LMNTD1: variants seen among roughly 807,000 people sequenced by gnomAD.
The protein encoded by LMNTD1 is lamin tail domain-containing protein 1.
Under a neutral mutation model 50.9 loss-of-function variants are expected in LMNTD1, and 35 were observed. That is an observed-to-expected ratio of 0.69 (90% confidence interval 0.53 to 0.91). The LOEUF is 0.91. Among genes scored for constraint, LMNTD1 ranks in the 40% least tolerant of loss-of-function variants. LMNTD1 has a pLI of 0.00. For missense variants in LMNTD1, 470 were observed against 475.5 expected (o/e 0.99, Z 0.11); for synonymous variants, 153 against 161.9 (o/e 0.94, Z 0.42).
intron 9 of LMNTD1, among the ~76,000 whole-genome samples, chr12:25,477,858 G>A (rs959282826): frequency 6.6e-6 from 1 of 151,994 alleles, no homozygotes; most frequent in African/African-American, 2.4e-5. Context: ...TAAGTCACAC[G>A]ATCACAAGGT....
intron 1 of LMNTD1, among the ~76,000 whole-genome samples, chr12:25,631,764 A>C (rs2136598040): frequency 6.6e-6 from 1 of 152,202 alleles, no homozygotes; most frequent in South Asian, 2.1e-4. Flanking sequence ...CAAAAATCAC[A>C]CTAGTTCATC....
chr12:25,601,001 A>G (rs1014076743), intron 1 of LMNTD1, among the ~76,000 whole-genome samples: 1 of 152,032 alleles, frequency 6.6e-6, no homozygotes, highest in Non-Finnish European at 1.5e-5. Context: ...CTGCACCCCC[A>G]TGTATGTTGG....
intron 9 of LMNTD1, chr12:25,502,851 A>AGCTG (rs1266811797): frequency 6.6e-6 from 1 of 152,276 alleles, no homozygotes; most frequent in Non-Finnish European, 1.5e-5. Context: ...GAAACTGGAC[A>AGCTG]GCTGAGCAAT....
chr12:25,599,177 G>A (rs938724373), intron 1 of LMNTD1, among the ~76,000 whole-genome samples: 1 of 151,876 alleles, frequency 6.6e-6, no homozygotes, highest in Non-Finnish European at 1.5e-5. Flanking sequence ...ATCAATCAAT[G>A]TGATACATCA....
intron 4 of LMNTD1, among the ~76,000 whole-genome samples, chr12:25,536,458 A>G (rs1942583168): frequency 6.6e-6 from 1 of 152,234 alleles, no homozygotes; most frequent in African/African-American, 2.4e-5. Flanking sequence ...TCTGTAAAAC[A>G]CTTTGAAACT....
At chr12:25,545,073 C>T (rs1943345872) in intron 4 of LMNTD1, among the ~76,000 whole-genome samples, 1 of 151,624 alleles carries the variant, frequency 6.6e-6, no homozygotes, top group Non-Finnish European at 1.5e-5. Context: ...TTTATACTTT[C>T]AGGTGTTTTC....
chr12:25,519,351 G>A (rs1591882215), intron 7 of LMNTD1, among the ~76,000 whole-genome samples: 1 of 118,394 alleles, frequency 8.4e-6, no homozygotes, highest in Non-Finnish European at 1.9e-5. Context: ...CAGCACTTTG[G>A]GAGGCCAAGG....
chr12:25,580,652 T>C (rs929717190), intron 1 of LMNTD1, among the ~76,000 whole-genome samples: 3 of 152,204 alleles, frequency 2.0e-5, no homozygotes, highest in African/African-American at 7.2e-5. Context: ...ATTTGCCTGA[T>C]CTATACCAAA....
At chr12:25,483,129 G>A (rs1249718041) in intron 9 of LMNTD1, among the ~76,000 whole-genome samples, 1 of 151,900 alleles carries the variant, frequency 6.6e-6, no homozygotes, top group African/African-American at 2.4e-5. Flanking sequence ...ATGGATATAA[G>A]AAGTCTTAAT....
At chr12:25,620,658 T>C (rs1946453600) in intron 1 of LMNTD1, among the ~76,000 whole-genome samples, 1 of 152,168 alleles carries the variant, frequency 6.6e-6, no homozygotes, top group Non-Finnish European at 1.5e-5. Flanking sequence ...TTCTATGAGC[T>C]GATTTTCTTT....
Position 25,613,581 on chromosome 12 carries a change from G to A in LMNTD1, c.58+34913C>T, listed in dbSNP as rs577933904. Among the ~76,000 whole-genome samples the A allele has an allele frequency of 4.9e-4, 74 of 152,268 alleles. 1 individual carries two copies. Among genetic ancestry groups the A allele is most frequent in the Admixed American group, 4.6e-3 (71 of 15,288 alleles). On this transcript the variant is annotated intron_variant, in intron 1 of 7. Transcript: ENST00000445693. Reference sequence around the variant, plus strand: ...TGAAGGCTTCTGGCAAAATGTAAATGAGCCTCATTTGATAATTAACATTGT... The same window carrying A: ...TGAAGGCTTCTGGCAAAATGTAAATAAGCCTCATTTGATAATTAACATTGT...
Position 25,490,379 on chromosome 12 carries a change from A to C in LMNTD1, c.*22+13359T>G, listed in dbSNP as rs572145557. 7.2e-5 allele frequency among the ~76,000 whole-genome samples: 11 copies of C among 152,312 alleles called. No individual in the cohort carries two copies. In the South Asian group the frequency reaches 2.1e-3, roughly 29 times the overall value. ...TCCTTTTTCAAGGGCCTCATTTCTA[A>C]AACACTTGGCAATTACAAATCTGAA... On this transcript the variant is annotated intron_variant, in intron 9 of 9. Coordinates refer to ENST00000458174, the MANE Select transcript of LMNTD1 (RefSeq NM_001145728.2).
upstream of LMNTD1, among the ~76,000 whole-genome samples, chr12:25,556,660 T>C (rs1185395065): frequency 1.3e-5 from 2 of 152,186 alleles, no homozygotes; most frequent in African/African-American, 4.8e-5. Context: ...TGCTGGGGAA[T>C]TGAAGCCCCA....
chr12:25,597,250 TGGC>T (rs1945862490), intron 1 of LMNTD1, among the ~76,000 whole-genome samples: 1 of 151,598 alleles, frequency 6.6e-6, no homozygotes, highest in African/African-American at 2.4e-5. Flanking sequence ...AGACATAGAG[TGGC>T]TGAAACACAC....
chr12:25,610,627 A>G (rs2136535748), intron 1 of LMNTD1, among the ~76,000 whole-genome samples: 1 of 152,322 alleles, frequency 6.6e-6, no homozygotes, highest in African/African-American at 2.4e-5. Context: ...ATTGTGGTCC[A>G]GGAGAAAGGC....
At chr12:25,581,066 A>G (rs1266559196) in intron 1 of LMNTD1, among the ~76,000 whole-genome samples, 1 of 152,170 alleles carries the variant, frequency 6.6e-6, no homozygotes, top group East Asian at 1.9e-4. Flanking sequence ...CTCTCCAATC[A>G]AAAGAGAGGA....
At chr12:25,510,290 G>A (rs1940168463) in intron 8 of LMNTD1, among the ~76,000 whole-genome samples, 1 of 150,638 alleles carries the variant, frequency 6.6e-6, no homozygotes, top group African/African-American at 2.4e-5. Flanking sequence ...CACCCTTTCA[G>A]TTATATTTTT....
intron 1 of LMNTD1, among the ~76,000 whole-genome samples, chr12:25,585,450 A>G (rs1248047813): frequency 6.6e-6 from 1 of 152,256 alleles, no homozygotes; most frequent in Non-Finnish European, 1.5e-5. Flanking sequence ...TAGGTGGAAC[A>G]TTATGTACTT....
At chr12:25,611,594 A>G (rs1946244515) in intron 1 of LMNTD1, among the ~76,000 whole-genome samples, 1 of 152,220 alleles carries the variant, frequency 6.6e-6, no homozygotes, top group Non-Finnish European at 1.5e-5. Context: ...TTTACAGTAT[A>G]TTGCCTTAAA....
Sources: allele counts gnomAD v4.1 joint callset (sites outside exome capture counted in the v4.1 genomes callset), GRCh38; gene constraint gnomAD v4.1.1; transcripts MANE v1.5; gene names NCBI Gene and HGNC (gene_info 2026-07-23, HGNC 2026-07-21).